CDC42BPA: variants seen among roughly 807,000 people sequenced by gnomAD.
The protein encoded by CDC42BPA is serine/threonine-protein kinase MRCK alpha.
CDC42BPA carries 80 observed loss-of-function variants against 223.5 expected under a neutral mutation model. The ratio of observed to expected loss-of-function variants is 0.36; its 90% CI spans 0.30 to 0.43. The LOEUF (loss-of-function observed/expected upper bound fraction) is 0.43, where lower values mean the gene tolerates loss of function less well. CDC42BPA is among the 20% of genes least tolerant of loss of function. The pLI is 1.00. For missense variants in CDC42BPA, 1,743 were observed against 2,099.9 expected (o/e 0.83, Z 3.32); for synonymous variants, 694 against 718.6 (o/e 0.97, Z 0.55).
intron 10 of CDC42BPA, among the ~76,000 whole-genome samples, chr1:227,132,406 T>G (rs913609156): frequency 6.6e-6 from 1 of 151,150 alleles, no homozygotes; most frequent in Non-Finnish European, 1.5e-5. Context: ...GTGCCGGGAT[T>G]GCAGACGGAG....
rs760514984 is a variant in CDC42BPA, at chr1:227,040,224, G to T, written c.3106C>A (p.Gln1036Lys). 7 of 1,608,484 alleles carry T rather than the reference G, an allele frequency of 4.4e-6. No individual in the cohort carries two copies. In the South Asian group the frequency reaches 6.6e-5, roughly 15 times the overall value. Reference protein sequence around the residue: ...TGFPPKRKTHQFFVKSFTTPT... With the variant: ...TGFPPKRKTHKFFVKSFTTPT... The stretch of plus-strand genomic sequence containing the variant: ...GTAGTAAAAGATTTTACAAAAAACT[G>T]GTGAGTCTTGCGCTGCAAAACAAAT... The change falls in exon 24 of 37, where the codon CAG (glutamine) becomes AAG (lysine). Residue 1036 changes from glutamine to lysine, a missense_variant. Transcript: ENST00000366766.
chr1:227,203,531 G>C (rs1672155243), intron 3 of CDC42BPA, among the ~76,000 whole-genome samples: 1 of 151,956 alleles, frequency 6.6e-6, no homozygotes, highest in African/African-American at 2.4e-5. Context: ...ATGCTTAAAG[G>C]CTTTAGTAAC....
At chr1:227,135,941 G>A (rs1658482571) in intron 10 of CDC42BPA, among the ~76,000 whole-genome samples, 1 of 147,114 alleles carries the variant, frequency 6.8e-6, no homozygotes, top group Non-Finnish European at 1.5e-5. Flanking sequence ...TTGATGGAAT[G>A]AAAAGGGAGA....
At chr1:227,149,081 A>C (rs1379669584) in intron 6 of CDC42BPA, among the ~76,000 whole-genome samples, 1 of 152,202 alleles carries the variant, frequency 6.6e-6, no homozygotes, top group Non-Finnish European at 1.5e-5. Context: ...TGCCCTATAT[A>C]CATACCTTTT....
intron 1 of CDC42BPA, among the ~76,000 whole-genome samples, chr1:227,267,507 T>C (rs1000271885): frequency 2.6e-5 from 4 of 152,228 alleles, no homozygotes; most frequent in Non-Finnish European, 5.9e-5. Flanking sequence ...TAAAAGGTGA[T>C]AGATGCCTGC....
intron 6 of CDC42BPA, among the ~76,000 whole-genome samples, chr1:227,150,045 G>A (rs1661437772): frequency 6.6e-6 from 1 of 151,828 alleles, no homozygotes; most frequent in Non-Finnish European, 1.5e-5. Context: ...GCAACATCGT[G>A]AAACCACATC....
At chr1:227,093,100 T>G (rs986704458) in intron 15 of CDC42BPA, among the ~76,000 whole-genome samples, 1 of 152,240 alleles carries the variant, frequency 6.6e-6, no homozygotes, top group Non-Finnish European at 1.5e-5. Flanking sequence ...TTAGTAGTCA[T>G]GTCTCTTCAA....
chr1:227,231,255 T>A (rs755056295), intron 2 of CDC42BPA, among the ~76,000 whole-genome samples: 9 of 151,604 alleles, frequency 5.9e-5, no homozygotes, highest in Non-Finnish European at 4.4e-5. Context: ...GTCCTTGCAA[T>A]AATTTGCTCA....
intron 35 of CDC42BPA, chr1:227,003,953 G>A (rs949423391): frequency 2.0e-5 from 3 of 152,096 alleles, no homozygotes; most frequent in Non-Finnish European, 1.5e-5. Flanking sequence ...GTATCTAATG[G>A]AACCTCAAAC....
chr1:227,273,141 T>C (rs1686242963), intron 1 of CDC42BPA, among the ~76,000 whole-genome samples: 1 of 150,518 alleles, frequency 6.6e-6, no homozygotes. Context: ...CTACCAAAAA[T>C]ACAAAAATTA....
chr1:227,111,994 T>G (rs1294543846), intron 14 of CDC42BPA: 1 of 194,110 alleles, frequency 5.2e-6, no homozygotes, highest in Non-Finnish European at 1.0e-5. Flanking sequence ...GAGTCATTTA[T>G]GAGATATATA....
chr1:227,106,025 A>C (rs1459362787), intron 14 of CDC42BPA, among the ~76,000 whole-genome samples: 1 of 152,158 alleles, frequency 6.6e-6, no homozygotes, highest in Non-Finnish European at 1.5e-5. Flanking sequence ...CATTGTTTCA[A>C]AAGTGGCTAC....
chr1:227,271,997 T>G (rs562218273), intron 1 of CDC42BPA, among the ~76,000 whole-genome samples: 31 of 152,338 alleles, frequency 2.0e-4, no homozygotes, highest in Admixed American at 1.9e-3. Context: ...TCTATCCAGC[T>G]GGTAAGAACA....
At chr1:227,170,057 C>T (rs886321695) in intron 5 of CDC42BPA, among the ~76,000 whole-genome samples, 1 of 152,122 alleles carries the variant, frequency 6.6e-6, no homozygotes, top group African/African-American at 2.4e-5. Context: ...TGCCACTCAC[C>T]CATCAAGAAG....
At chr1:227,164,242 A>G (rs1664616657) in intron 5 of CDC42BPA, among the ~76,000 whole-genome samples, 1 of 152,168 alleles carries the variant, frequency 6.6e-6, no homozygotes, top group Non-Finnish European at 1.5e-5. Context: ...TCGGCAGAGC[A>G]TATTTTTTAA....
At chr1:227,100,046 G>C (rs1259567656) in intron 15 of CDC42BPA, among the ~76,000 whole-genome samples, 1 of 152,058 alleles carries the variant, frequency 6.6e-6, no homozygotes, top group East Asian at 1.9e-4. Context: ...GAATAAATTT[G>C]GGCTTCCAAT....
intron 2 of CDC42BPA, among the ~76,000 whole-genome samples, chr1:227,246,244 C>G (rs973656093): frequency 6.6e-6 from 1 of 152,160 alleles, no homozygotes; most frequent in Non-Finnish European, 1.5e-5. Context: ...GAGAGAAGAG[C>G]GGGAAGAACT....
Position 226,994,413 on chromosome 1 carries a change from A to G in CDC42BPA, c.5134-14T>C. 6.7e-7 allele frequency: 1 copy of G among 1,498,480 alleles called. No individual in the cohort carries two copies. Among genetic ancestry groups the G allele is most frequent in the South Asian group, 1.3e-5 (1 of 75,958 alleles). 92.8% of individuals were successfully genotyped at this position (1,498,480 alleles called of 1,614,324 possible). A position where few individuals can be genotyped will look rare whatever the true frequency, so the allele number is the denominator to read the frequency against. On this transcript the variant is annotated splice_polypyrimidine_tract_variant and intron_variant, in intron 36 of 36. Transcript: ENST00000366766. The surrounding 1 kb of genome is among the most constrained non-coding windows in gnomAD (Gnocchi z 4.0). ...AGAGTCAGAGTCCTGTAAGGCCCAA[A>G]GTAAAACATTAATGAGAAGGAGGGG...
At chr1:227,119,970 T>C in intron 11 of CDC42BPA, 33 bp from the exon 12 acceptor site, 1 of 1,536,392 alleles carries the variant, frequency 6.5e-7, no homozygotes, top group Non-Finnish European at 8.7e-7. Flanking sequence ...CTTTTACTAT[T>C]TGTATAAAAG....
Sources: allele counts gnomAD v4.1 joint callset (sites outside exome capture counted in the v4.1 genomes callset), GRCh38; gene constraint gnomAD v4.1.1; non-coding constraint Gnocchi (gnomAD v3.1); transcripts MANE v1.5; gene names NCBI Gene and HGNC (gene_info 2026-07-23, HGNC 2026-07-21).